MPZL1: variants seen among roughly 807,000 people sequenced by gnomAD.
MPZL1 encodes myelin protein zero like 1.
Under a neutral mutation model 29.3 loss-of-function variants are expected in MPZL1, and 16 were observed. That is an observed-to-expected ratio of 0.55 (90% CI 0.37 to 0.83). The LOEUF (loss-of-function observed/expected upper bound fraction) is 0.83. Ranked by LOEUF, MPZL1 falls within the 40% of genes least tolerant of loss-of-function variation. The probability of loss-of-function intolerance (pLI) is 0.00; values close to 1 mark genes in which losing one functional copy is unlikely to be tolerated. For synonymous variants in MPZL1, 143 were observed against 132.0 expected (o/e 1.08, Z -0.57); for missense variants, 279 against 332.9 (o/e 0.84, Z 1.26).
rs1571178409 is a variant in MPZL1, at chr1:167,788,124, A to G, written c.*203A>G. ...TCCTGATATGAGGAGCCAGTGTTGC[A>G]TGATGAAAAGATGGTATGATTCTAC... On this transcript the variant is annotated 3_prime_UTR_variant, in exon 6 of 6. Transcript: ENST00000359523. 3 of 503,184 alleles carry G rather than the reference A, an allele frequency of 6.0e-6. No individual in the cohort carries two copies. Among genetic ancestry groups the G allele is most frequent in the Admixed American group, 6.9e-5 (2 of 29,170 alleles). The allele number at this position is 503,184 out of a possible 1,614,324, so 31.2% of individuals were successfully genotyped here. A position where few individuals can be genotyped will look rare whatever the true frequency, so the allele number is the denominator to read the frequency against.
intron 1 of MPZL1, among the ~76,000 whole-genome samples, chr1:167,749,340 T>C (rs1660710709): frequency 6.6e-6 from 1 of 152,214 alleles, no homozygotes; most frequent in African/African-American, 2.4e-5. Flanking sequence ...TCTGTGTGTA[T>C]AAATCAAAGT....
At chr1:167,779,546 C>T (rs1208620081) in intron 5 of MPZL1, among the ~76,000 whole-genome samples, 1 of 151,738 alleles carries the variant, frequency 6.6e-6, no homozygotes, top group Non-Finnish European at 1.5e-5. Context: ...GATCGCGCCA[C>T]TGCACTCCAG....
intron 1 of MPZL1, among the ~76,000 whole-genome samples, chr1:167,764,089 AGAATT>A: frequency 6.6e-6 from 1 of 152,240 alleles, no homozygotes; most frequent in East Asian, 1.9e-4. Flanking sequence ...TTACATTCTA[AGAATT>A]ATTGCAACAC....
chr1:167,727,908 G>A (rs182555963), intron 1 of MPZL1, among the ~76,000 whole-genome samples: 4 of 139,618 alleles, frequency 2.9e-5, no homozygotes, highest in Admixed American at 1.5e-4. Flanking sequence ...TCGTTTTGTC[G>A]CCCAGGCTGG....
intron 4 of MPZL1, among the ~76,000 whole-genome samples, chr1:167,775,816 A>C (rs942865873): frequency 2.6e-5 from 4 of 152,192 alleles, no homozygotes; most frequent in African/African-American, 4.8e-5. Context: ...TGGGTTGAAG[A>C]GGTTGTACCA....
In MPZL1 at chr1:167,788,072, G is replaced by C; in HGVS notation, c.*151G>C. On this transcript the variant is annotated 3_prime_UTR_variant, in exon 6 of 6. Coordinates refer to ENST00000359523, the MANE Select transcript of MPZL1 (RefSeq NM_003953.6). ...GAGGGAGAGAAAGATGTGTACAAAGGATATGTATAAATATTCTATTTAGTC... is the reference window on the plus strand; with the variant it reads ...GAGGGAGAGAAAGATGTGTACAAAGCATATGTATAAATATTCTATTTAGTC... The C allele has an allele frequency of 5.0e-6, 3 of 605,862 alleles. No homozygotes were observed. Among genetic ancestry groups the C allele is most frequent in the Non-Finnish European group, 9.1e-6 (3 of 331,154 alleles). 37.5% of individuals were successfully genotyped at this position (605,862 alleles called of 1,614,324 possible). A position where few individuals can be genotyped will look rare whatever the true frequency, so the allele number is the denominator to read the frequency against.
rs1156873021 is a variant in MPZL1, at chr1:167,773,274, A to G, written c.511A>G (p.Ile171Val). Residue 171 changes from isoleucine to valine, a missense_variant, in exon 4 of 6, where the codon ATA becomes GTA. Ile to Val is a conservative substitution (Grantham distance 29). Transcript: ENST00000359523. ...GTTTCCAGTTTGGGTAGTGGTGGGC[A>G]TAGTTACTGCTGTGGTCCTAGGTCT... ...PVFPVWVVVG[I>V]VTAVVLGLTL... The G allele has an allele frequency of 2.2e-5, 35 of 1,613,496 alleles. No homozygotes were observed. Among genetic ancestry groups the G allele is most frequent in the Non-Finnish European group, 2.8e-5 (33 of 1,179,556 alleles).
intron 1 of MPZL1, among the ~76,000 whole-genome samples, chr1:167,759,304 C>G (rs1220369679): frequency 6.6e-6 from 1 of 152,188 alleles, no homozygotes; most frequent in Non-Finnish European, 1.5e-5. Flanking sequence ...CCCCTAAAAA[C>G]TCTCTTTTAT....
At chr1:167,738,576 G>A (rs1235129012) in intron 1 of MPZL1, among the ~76,000 whole-genome samples, 1 of 152,168 alleles carries the variant, frequency 6.6e-6, no homozygotes, top group East Asian at 1.9e-4. Flanking sequence ...GGGAACTGGT[G>A]GGAGGTGATT....
intron 1 of MPZL1, among the ~76,000 whole-genome samples, chr1:167,745,016 T>C (rs541502460): frequency 2.0e-5 from 3 of 152,132 alleles, no homozygotes; most frequent in Non-Finnish European, 4.4e-5. Context: ...ACTCACTTAC[T>C]GAGGCTTTTT....
intron 1 of MPZL1, among the ~76,000 whole-genome samples, chr1:167,748,866 A>T (rs1249884708): frequency 1.3e-5 from 2 of 152,124 alleles, no homozygotes; most frequent in East Asian, 3.8e-4. Flanking sequence ...GCACTAAAGA[A>T]CTTCCTCAGT....
At chr1:167,780,530 G>T (rs1438556298) in intron 5 of MPZL1, among the ~76,000 whole-genome samples, 2 of 152,018 alleles carry the variant, frequency 1.3e-5, no homozygotes, top group Non-Finnish European at 2.9e-5. Flanking sequence ...AATAGAATGT[G>T]GTATATATAT....
At chr1:167,750,982 C>T (rs1425116924) in intron 1 of MPZL1, among the ~76,000 whole-genome samples, 1 of 152,110 alleles carries the variant, frequency 6.6e-6, no homozygotes, top group Non-Finnish European at 1.5e-5. Flanking sequence ...TTAGGCTATC[C>T]ATATTTGGCA....
chr1:167,789,799 A>C lies in MPZL1; in HGVS notation c.*1878A>C, dbSNP rs547076875. The C allele has an allele frequency of 6.6e-6, 1 of 152,318 alleles. No individual in the cohort carries two copies. The highest frequency in any genetic ancestry group is 1.5e-5 in the Non-Finnish European group (1 of 68,106). The allele number at this position is 152,318 out of a possible 1,614,324, so 9.4% of individuals were successfully genotyped here. A position where few individuals can be genotyped will look rare whatever the true frequency, so the allele number is the denominator to read the frequency against. ...CTTCCATGTTCATAGGCCCAGCCCA[A>C]GAGAGTGACACACAGTGCTGGCCCT... On this transcript the variant is annotated 3_prime_UTR_variant, in exon 6 of 6. Coordinates refer to ENST00000359523, the MANE Select transcript of MPZL1 (RefSeq NM_003953.6).
At chr1:167,760,437 C>T (rs1350046851) in intron 1 of MPZL1, among the ~76,000 whole-genome samples, 1 of 152,056 alleles carries the variant, frequency 6.6e-6, no homozygotes, top group Admixed American at 6.5e-5. Flanking sequence ...CTCCTGACCT[C>T]GGTGTTCCGC....
At chr1:167,736,424 C>G (rs967431588) in intron 1 of MPZL1, among the ~76,000 whole-genome samples, 1 of 152,164 alleles carries the variant, frequency 6.6e-6, no homozygotes, top group Non-Finnish European at 1.5e-5. Context: ...ACTGGACATA[C>G]CCATTTGAAT....
intron 1 of MPZL1, among the ~76,000 whole-genome samples, chr1:167,742,352 G>T (rs1379994131): frequency 1.3e-5 from 2 of 151,932 alleles, no homozygotes; most frequent in Non-Finnish European, 2.9e-5. Context: ...CAAAAACCCG[G>T]CATATAAATA....
At chr1:167,747,893 A>G (rs1405466774) in intron 1 of MPZL1, among the ~76,000 whole-genome samples, 3 of 152,188 alleles carry the variant, frequency 2.0e-5, no homozygotes, top group African/African-American at 7.2e-5. Flanking sequence ...AAGAAACCTT[A>G]TATCCATTAG....
rs1661690180 is a variant in MPZL1 at position 167,790,614 on chromosome 1, C to G, written c.*2693C>G. The stretch of plus-strand genomic sequence containing the variant: ...GGCAGATCTGCCCTCTCCATGTCTT[C>G]GTCCTGGCAAACAGGGTCGTCTTAA... On this transcript the variant is annotated 3_prime_UTR_variant, in exon 6 of 6. Coordinates refer to ENST00000359523, the MANE Select transcript of MPZL1 (RefSeq NM_003953.6). 1 of 152,180 alleles carries G rather than the reference C, an allele frequency of 6.6e-6. No individual in the cohort carries two copies. Among genetic ancestry groups the G allele is most frequent in the African/African-American group, 2.4e-5 (1 of 41,416 alleles). 9.4% of individuals were successfully genotyped at this position (152,180 alleles called of 1,614,324 possible).
Sources: gnomAD v4.1 joint callset for allele counts (sites outside exome capture counted in the v4.1 genomes callset) on GRCh38, gnomAD v4.1.1 for gene constraint, MANE v1.5 for transcripts, NCBI Gene and HGNC (gene_info 2026-07-23, HGNC 2026-07-21) for gene names.